Variants in LEMD3 observed in about 807,000 individuals in gnomAD.
LEMD3 encodes inner nuclear membrane protein Man1.
Under a neutral mutation model 95.2 loss-of-function variants are expected in LEMD3, and 33 were observed. That is an observed-to-expected ratio of 0.35 (90% confidence interval 0.26 to 0.46). The LOEUF (loss-of-function observed/expected upper bound fraction) is 0.46, where lower values mean the gene tolerates loss of function less well. LEMD3 is among the 20% of genes least tolerant of loss of function. The pLI, the probability that LEMD3 is intolerant of heterozygous loss-of-function variation, is 1.00. For synonymous variants in LEMD3, 525 were observed against 474.6 expected, an observed-to-expected ratio of 1.11 and a Z score of -1.38; for missense variants, 1,210 against 1,192.8, an observed-to-expected ratio of 1.01 and a Z score of -0.21.
chr12:65,239,193 A>T (rs1402849977), intron 6 of LEMD3, among the ~76,000 whole-genome samples: 1 of 152,176 alleles, frequency 6.6e-6, no homozygotes, highest in Non-Finnish European at 1.5e-5. Context: ...TAAAATTTTT[A>T]TCATTTTTTA....
rs751409394 is a variant in LEMD3, at chr12:65,238,770, G to A, written c.1877G>A (p.Arg626His). ...PLMSFWCRFR[R>H]AFVTVTHRLL... is the part of the protein sequence containing the mutation. ...ATGTCTTTTTGGTGTCGTTTTCGAC[G>A]TGCTTTTGTTACTGTAACTCACAGA... The change falls in exon 6 of 13, where the codon CGT becomes CAT. Residue 626 changes from arginine to histidine, a missense_variant. This residue lies in a region of LEMD3 where 461 missense variants were observed against 569.8 expected (regional missense o/e 0.81). Coordinates refer to ENST00000308330, the MANE Select transcript of LEMD3 (RefSeq NM_014319.5). 3.1e-6 allele frequency: 5 copies of A among 1,614,002 alleles called. No individual in the cohort carries two copies. Among genetic ancestry groups the A allele is most frequent in the African/African-American group, 1.3e-5 (1 of 75,036 alleles).
intron 4 of LEMD3, among the ~76,000 whole-genome samples, chr12:65,233,912 A>C (rs1474550903): frequency 6.6e-6 from 1 of 152,180 alleles, no homozygotes; most frequent in East Asian, 1.9e-4. Context: ...GTACACACAT[A>C]ATGTGTTAGA....
rs188177070 is a variant in LEMD3 at position 65,240,739 on chromosome 12, A to G, written c.2127-170A>G. Reference sequence around the variant, plus strand: ...AGATGTTTGTGCTCTAGCTCTGGAAATTGAAACTCAGAAAATCTGAGATGA... The same window carrying G: ...AGATGTTTGTGCTCTAGCTCTGGAAGTTGAAACTCAGAAAATCTGAGATGA... On this transcript the variant is annotated intron_variant, in intron 8 of 12. Transcript: ENST00000308330. The G allele has an allele frequency of 3.3e-4, 214 of 641,208 alleles. 3 individuals carry two copies. The East Asian group carries it at 5.8e-3, about 17-fold the overall frequency. 39.7% of individuals were successfully genotyped at this position (641,208 alleles called of 1,614,324 possible).
Position 65,248,134 on chromosome 12 carries a change from T to C in LEMD3, c.*1809T>C, listed in dbSNP as rs1385496105. ...ACATATTTCATGTAAACATTGTACATTTATTATTGTAATATATACTATTAT... is the reference window on the plus strand; with the variant it reads ...ACATATTTCATGTAAACATTGTACACTTATTATTGTAATATATACTATTAT... On this transcript the variant is annotated 3_prime_UTR_variant, in exon 13 of 13. Transcript: ENST00000308330. The C allele has an allele frequency of 6.6e-6, 1 of 152,494 alleles. No individual in the cohort carries two copies. Among genetic ancestry groups the C allele is most frequent in the African/African-American group, 2.4e-5 (1 of 41,426 alleles). The allele number at this position is 152,494 out of a possible 1,614,324, so 9.4% of individuals were successfully genotyped here. A position where few individuals can be genotyped will look rare whatever the true frequency, so the allele number is the denominator to read the frequency against.
intron 1 of LEMD3, among the ~76,000 whole-genome samples, chr12:65,201,821 G>T (rs895351799): frequency 1.3e-5 from 2 of 152,046 alleles, no homozygotes; most frequent in Non-Finnish European, 2.9e-5. Context: ...GCAGTGCAGT[G>T]GTGAGAGAAG....
At chr12:65,182,384 A>T (rs1341856820) in intron 1 of LEMD3, among the ~76,000 whole-genome samples, 1 of 152,122 alleles carries the variant, frequency 6.6e-6, no homozygotes, top group Non-Finnish European at 1.5e-5. Flanking sequence ...GTGATATATA[A>T]CTGTAATTTT....
In LEMD3 at chr12:65,169,722, G is replaced by A. The variant is rs752150192; in HGVS notation, c.126G>A (p.Lys42=). The A allele has an allele frequency of 4.4e-6, 7 of 1,588,866 alleles. No homozygotes were observed. The Admixed American group carries it at 1.1e-4, about 24-fold the overall frequency. Residue 42 remains lysine, a synonymous_variant, in exon 1 of 13, where the codon AAG becomes AAA. Transcript: ENST00000308330. The part of the protein sequence containing the change: ...TESTRPVYLK[K]LKKLREEEQQ... The stretch of plus-strand genomic sequence containing the variant: ...GCACCCGCCCGGTCTACCTCAAGAA[G>A]CTGAAGAAGCTTCGAGAGGAAGAGC...
chr12:65,211,537 A>AT (rs1275329097), intron 2 of LEMD3, among the ~76,000 whole-genome samples: 2 of 152,222 alleles, frequency 1.3e-5, no homozygotes, highest in Non-Finnish European at 2.9e-5. Context: ...GACTTCAGAG[A>AT]TTAAGATGTT....
intron 2 of LEMD3, among the ~76,000 whole-genome samples, chr12:65,211,800 T>C (rs1344732581): frequency 6.6e-6 from 1 of 152,230 alleles, no homozygotes; most frequent in Non-Finnish European, 1.5e-5. Context: ...TTAAATTTGG[T>C]ACAGTATACT....
intron 1 of LEMD3, among the ~76,000 whole-genome samples, chr12:65,189,435 G>A (rs1592435385): frequency 6.6e-6 from 1 of 152,204 alleles, no homozygotes; most frequent in Non-Finnish European, 1.5e-5. Flanking sequence ...TCCCTGGTTT[G>A]CAGTTTGAAT....
rs2136354815 is a variant in LEMD3 at position 65,240,165 on chromosome 12, C to A, written c.2053C>A (p.Gln685Lys). ...DVLRSHNEAC[Q>K]ENKDLQPYMP... ...TTTACGAAGTCATAATGAAGCCTGC[C>A]AGGAAAACAAAGATTTACAACCTTA... Residue 685 changes from glutamine to lysine, a missense_variant, in exon 8 of 13, where the codon CAG (glutamine) becomes AAG (lysine). Transcript: ENST00000308330. The A allele has an allele frequency of 2.5e-6, 4 of 1,613,512 alleles. No homozygotes were observed. The highest frequency in any genetic ancestry group is 2.5e-6 in the Non-Finnish European group (3 of 1,179,650).
intron 4 of LEMD3, among the ~76,000 whole-genome samples, chr12:65,223,299 A>ATTT (rs35145654): frequency 1.2e-3 from 148 of 118,640 alleles, no homozygotes; most frequent in East Asian, 2.0e-3. Context: ...TCATGTGATG[A>ATTT]TTTTTTTTTT....
intron 4 of LEMD3, among the ~76,000 whole-genome samples, chr12:65,225,358 G>A (rs1870415703): frequency 6.6e-6 from 1 of 152,126 alleles, no homozygotes; most frequent in Non-Finnish European, 1.5e-5. Context: ...GACTTTGTGT[G>A]GGGAAAGTCT....
At chr12:65,223,887 G>T in intron 4 of LEMD3, among the ~76,000 whole-genome samples, 1 of 119,364 alleles carries the variant, frequency 8.4e-6, no homozygotes, top group African/African-American at 3.3e-5. Context: ...TTTCTTTTAC[G>T]TGTGTTTTTT....
At chr12:65,244,707 G>T (rs553693973) in intron 10 of LEMD3, among the ~76,000 whole-genome samples, 6 of 152,204 alleles carry the variant, frequency 3.9e-5, no homozygotes, top group African/African-American at 1.4e-4. Flanking sequence ...CAGTGCTTTG[G>T]GAAGCCGAGG....
rs1186149927 is a variant in LEMD3, at chr12:65,169,637, A to T, written c.41A>T (p.Asp14Val). ...AAASAPQQLS[D>V]EELFSQLRRY... ...GCTTCGGCGCCTCAGCAGCTCTCGGATGAGGAGCTTTTCTCTCAGCTCCGC... is the reference window on the plus strand; with the variant it reads ...GCTTCGGCGCCTCAGCAGCTCTCGGTTGAGGAGCTTTTCTCTCAGCTCCGC... Residue 14 changes from aspartate to valine, a missense_variant, in exon 1 of 13, where the codon GAT becomes GTT. Physicochemically the swap from Asp to Val is radical, Grantham distance 152 (BLOSUM62 -3). Transcript: ENST00000308330. 2 of 1,589,418 alleles carry T rather than the reference A, an allele frequency of 1.3e-6. No individual in the cohort carries two copies. Among genetic ancestry groups the T allele is most frequent in the East Asian group, 2.3e-5 (1 of 44,042 alleles).
intron 1 of LEMD3, among the ~76,000 whole-genome samples, chr12:65,202,303 C>T (rs1315192635): frequency 3.9e-5 from 6 of 152,088 alleles, no homozygotes; most frequent in South Asian, 2.1e-4. Flanking sequence ...CAGGCGTGAA[C>T]CACTGCGCCT....
intron 1 of LEMD3, among the ~76,000 whole-genome samples, chr12:65,199,163 C>CAAAAAA (rs1869519785): frequency 6.6e-6 from 1 of 152,074 alleles, no homozygotes; most frequent in African/African-American, 2.4e-5. Context: ...ATGAGGACTT[C>CAAAAAA]AGTTTTAGTT....
intron 4 of LEMD3, among the ~76,000 whole-genome samples, chr12:65,230,096 G>A (rs1006640533): frequency 2.6e-5 from 4 of 152,132 alleles, no homozygotes; most frequent in Admixed American, 6.5e-5. Context: ...CACCTATGTC[G>A]AAAATCAGTT....
Sources: gnomAD v4.1 joint callset for allele counts (sites outside exome capture counted in the v4.1 genomes callset) on GRCh38, gnomAD v4.1.1 for gene constraint, gnomAD v4.1.1 regional missense constraint, MANE v1.5 for transcripts, NCBI Gene and HGNC (gene_info 2026-07-23, HGNC 2026-07-21) for gene names.